Variants in SLC9A2 observed in about 807,000 individuals in gnomAD.
SLC9A2 encodes solute carrier family 9 member A2.
Under a neutral mutation model 71.7 loss-of-function variants are expected in SLC9A2, and 42 were observed. The observed-to-expected ratio is 0.59, with a 90% confidence interval of 0.46 to 0.76. The LOEUF is 0.76. Among genes scored for constraint, SLC9A2 ranks in the 30% least tolerant of loss-of-function variants. SLC9A2 has a pLI of 0.00. For synonymous variants in SLC9A2, 396 were observed against 392.5 expected (o/e 1.01, Z -0.10); for missense variants, 829 against 1,017.4 (o/e 0.81, Z 2.52).
chr2:102,698,910 A>G (rs1185436497), intron 7 of SLC9A2, among the ~76,000 whole-genome samples: 1 of 152,186 alleles, frequency 6.6e-6, no homozygotes, highest in Non-Finnish European at 1.5e-5. Context: ...GAGGGTGTGG[A>G]TACAGGGAGG....
chr2:102,689,356 G>A (rs1677615526), intron 5 of SLC9A2, among the ~76,000 whole-genome samples: 1 of 152,108 alleles, frequency 6.6e-6, no homozygotes, highest in Admixed American at 6.5e-5. Flanking sequence ...AGGTAAAAAA[G>A]TCATCAAGGC....
intron 5 of SLC9A2, among the ~76,000 whole-genome samples, chr2:102,687,947 T>G (rs917690977): frequency 3.9e-5 from 6 of 152,048 alleles, no homozygotes; most frequent in Non-Finnish European, 7.4e-5. Context: ...GCCCAGCTAA[T>G]TTTTATATTT....
chr2:102,708,036 G>C (rs1184805200), intron 11 of SLC9A2, 83 bp from the exon 12 acceptor site: 2 of 1,440,766 alleles, frequency 1.4e-6, no homozygotes, highest in African/African-American at 2.8e-5. Context: ...CGTATCAGTT[G>C]CCTGACTCAC....
intron 4 of SLC9A2, 68 bp downstream of exon 4, chr2:102,683,546 T>A (rs1024880655): frequency 8.4e-7 from 1 of 1,196,826 alleles, no homozygotes; most frequent in Non-Finnish European, 1.2e-6. Context: ...TTTCCTTTTG[T>A]CATTCCCTTT....
intron 1 of SLC9A2, among the ~76,000 whole-genome samples, chr2:102,630,413 G>A (rs952141573): frequency 6.6e-6 from 1 of 151,922 alleles, no homozygotes; most frequent in Non-Finnish European, 1.5e-5. Flanking sequence ...TCTTTTGTTG[G>A]TAAGTGGAAT....
intron 1 of SLC9A2, among the ~76,000 whole-genome samples, chr2:102,651,931 GTTT>G (rs1410742934): frequency 3.0e-5 from 3 of 99,338 alleles, no homozygotes; most frequent in Non-Finnish European, 6.1e-5. Flanking sequence ...AAAGATAAGG[GTTT>G]TTGTTGTTGT....
At chr2:102,700,862 C>G (rs1677859835) in intron 7 of SLC9A2, among the ~76,000 whole-genome samples, 1 of 151,798 alleles carries the variant, frequency 6.6e-6, no homozygotes, top group African/African-American at 2.4e-5. Flanking sequence ...CATACATATA[C>G]ATACGCATAC....
rs184084161 is a variant in SLC9A2 at position 102,674,214 on chromosome 2, C to T, written c.1004+8864C>T. Reference sequence around the variant, plus strand: ...GATTAAGTCAGTGTTTCAGCCCCTTCGTGAGGAGGTTAGAGCTAGGAATAC... The same window carrying T: ...GATTAAGTCAGTGTTTCAGCCCCTTTGTGAGGAGGTTAGAGCTAGGAATAC... On this transcript the variant is annotated intron_variant, in intron 3 of 11. Transcript: ENST00000233969. Among the ~76,000 whole-genome samples, 3 of 152,302 alleles carry T rather than the reference C, an allele frequency of 2.0e-5. No individual in the cohort carries two copies. In the South Asian group the frequency reaches 6.2e-4, roughly 32 times the overall value.
At chr2:102,707,814 C>T (rs1383610093) in intron 11 of SLC9A2, among the ~76,000 whole-genome samples, 1 of 152,128 alleles carries the variant, frequency 6.6e-6, no homozygotes, top group Non-Finnish European at 1.5e-5. Context: ...CCTAGTTACC[C>T]CATCTGTAAA....
chr2:102,623,299 GTA>G (rs1676179503), intron 1 of SLC9A2, among the ~76,000 whole-genome samples: 1 of 152,168 alleles, frequency 6.6e-6, no homozygotes, highest in Admixed American at 6.5e-5. Flanking sequence ...ACTGCCATGG[GTA>G]GAGTGAAGGG....
rs1224313767 is a variant in SLC9A2 at position 102,709,531 on chromosome 2, T to C, written c.*1042T>C. On this transcript the variant is annotated 3_prime_UTR_variant, in exon 12 of 12. Coordinates refer to ENST00000233969, the MANE Select transcript of SLC9A2 (RefSeq NM_003048.6). ...AAGAAAGTTTGTAGACACAATATTC[T>C]AACATTGCACAAGTTGATGAGATAT... The C allele has an allele frequency of 6.5e-6, 1 of 152,742 alleles. No individual in the cohort carries two copies. The highest frequency in any genetic ancestry group is 1.5e-5 in the Non-Finnish European group (1 of 68,052). The allele number at this position is 152,742 out of a possible 1,614,324, so 9.5% of individuals were successfully genotyped here. A position where few individuals can be genotyped will look rare whatever the true frequency, so the allele number is the denominator to read the frequency against.
At chr2:102,644,100 G>A (rs1483760404) in intron 1 of SLC9A2, among the ~76,000 whole-genome samples, 1 of 151,888 alleles carries the variant, frequency 6.6e-6, no homozygotes, top group Admixed American at 6.6e-5. Context: ...TGCAGAAGGC[G>A]GGTGATATCT....
intron 5 of SLC9A2, among the ~76,000 whole-genome samples, chr2:102,691,018 G>A (rs561147121): frequency 2.7e-5 from 4 of 149,120 alleles, no homozygotes; most frequent in African/African-American, 7.4e-5. Flanking sequence ...CACTCACATC[G>A]CAGTTGTATA....
chr2:102,648,012 T>C (rs1238004670), intron 1 of SLC9A2, among the ~76,000 whole-genome samples: 1 of 152,200 alleles, frequency 6.6e-6, no homozygotes, highest in Non-Finnish European at 1.5e-5. Context: ...ATCACTCTGA[T>C]ACCAAAACCT....
In SLC9A2 at chr2:102,665,186, T is replaced by C. The variant is rs747647445; in HGVS notation, c.840T>C (p.Val280=). The C allele has an allele frequency of 5.0e-6, 8 of 1,614,140 alleles. No individual in the cohort carries two copies. Among genetic ancestry groups the C allele is most frequent in the Non-Finnish European group, 5.1e-6 (6 of 1,180,024 alleles). ...TTGCAGGAATCGCCAACTTCTTTGT[T>C]GTGGGAATCGGTGGGGTGCTGATTG... ...DVFAGIANFF[V]VGIGGVLIGI... Residue 280 remains valine, a synonymous_variant, in exon 3 of 12, where the codon GTT becomes GTC. Transcript: ENST00000233969.
intron 1 of SLC9A2, among the ~76,000 whole-genome samples, chr2:102,650,780 A>G: frequency 6.6e-6 from 1 of 152,200 alleles, no homozygotes; most frequent in East Asian, 1.9e-4. Context: ...ATAAGAACAT[A>G]TGGCGATGTG....
rs528044082 is a variant in SLC9A2 at position 102,621,282 on chromosome 2, C to T, written c.289+1145C>T. On this transcript the variant is annotated intron_variant, in intron 1 of 11. Coordinates refer to ENST00000233969, the MANE Select transcript of SLC9A2 (RefSeq NM_003048.6). ...AGGATCGCTTAAACTCAGGAGGTTG[C>T]GGTTGCAGTGAGCCATGAATGGCAC... 3.8e-3 allele frequency among the ~76,000 whole-genome samples: 545 copies of T among 142,472 alleles called. 2 individuals carry two copies. The highest frequency in any genetic ancestry group is 6.3e-3 in the Non-Finnish European group (420 of 66,536). The allele number at this position is 142,472 out of a possible 152,430, so 93.5% of individuals were successfully genotyped here.
intron 3 of SLC9A2, among the ~76,000 whole-genome samples, chr2:102,671,860 C>G (rs1677258458): frequency 6.6e-6 from 1 of 152,130 alleles, no homozygotes; most frequent in East Asian, 1.9e-4. Flanking sequence ...AATCCCAGCA[C>G]TCTGGGAGGC....
chr2:102,664,979 T>C (rs1319798450), intron 2 of SLC9A2, 121 bp from the exon 3 acceptor site: 5 of 1,029,392 alleles, frequency 4.9e-6, no homozygotes, highest in Non-Finnish European at 7.1e-6. Context: ...ATTGTCATTT[T>C]CCTACTTGGG....
Sources: gnomAD v4.1 joint callset for allele counts (sites outside exome capture counted in the v4.1 genomes callset) on GRCh38, gnomAD v4.1.1 for gene constraint, MANE v1.5 for transcripts, NCBI Gene and HGNC (gene_info 2026-07-23, HGNC 2026-07-21) for gene names.